Variants in CNDP1 observed in about 807,000 individuals in gnomAD.
The protein encoded by CNDP1 is beta-Ala-His dipeptidase.
A neutral mutation model predicts 58.1 loss-of-function variants in CNDP1; 44 were observed. The ratio of observed to expected loss-of-function variants is 0.76; its 90% CI spans 0.60 to 0.97. The LOEUF (loss-of-function observed/expected upper bound fraction) is 0.97, where lower values mean the gene tolerates loss of function less well. Ranked by LOEUF, CNDP1 falls within the 50% of genes least tolerant of loss-of-function variation. CNDP1 has a pLI of 0.00. For synonymous variants in CNDP1, 254 were observed against 252.6 expected (o/e 1.01, Z -0.05); for missense variants, 616 against 655.1 (o/e 0.94, Z 0.65).
In CNDP1 at chr18:74,578,392, C is replaced by T. The variant is rs767836305; in HGVS notation, c.1167+65C>T. ...CATGGTTTCTGAATCCCGCACATCA[C>T]GGCTTAGTGAGCAGTGAGGTTGCTA... is the stretch of plus-strand genomic sequence containing the variant. On this transcript the variant is annotated intron_variant, in intron 9 of 11. Transcript: ENST00000358821. 240 of 1,473,008 alleles carry T rather than the reference C, an allele frequency of 1.6e-4. 1 individual carries two copies. Among genetic ancestry groups the T allele is most frequent in the South Asian group, 9.9e-4 (77 of 77,864 alleles). The allele number at this position is 1,473,008 out of a possible 1,614,324, so 91.2% of individuals were successfully genotyped here.
rs746400602 is a variant in CNDP1, at chr18:74,559,405, C to A, written c.236C>A (p.Ala79Asp). 1 of 1,613,570 alleles carries A rather than the reference C, an allele frequency of 6.2e-7. No individual in the cohort carries two copies. Among genetic ancestry groups the A allele is most frequent in the Non-Finnish European group, 8.5e-7 (1 of 1,179,986 alleles). ...RFRQELFRMMAVAADTLQRLG... is the reference protein window; with the variant it reads ...RFRQELFRMMDVAADTLQRLG... The stretch of plus-strand genomic sequence containing the variant: ...AGACAAGAGCTCTTCAGAATGATGG[C>A]CGTGGCTGCGGACACGCTGCAGCGC... The change falls in exon 3 of 12, where the codon GCC becomes GAC. Residue 79 changes from alanine (A) to aspartate (D), a missense_variant. Ala to Asp is a moderately radical substitution (Grantham distance 126). Coordinates refer to ENST00000358821, the MANE Select transcript of CNDP1 (RefSeq NM_032649.6).
At chr18:74,558,500 T>C (rs1461900419) in intron 2 of CNDP1, among the ~76,000 whole-genome samples, 1 of 146,014 alleles carries the variant, frequency 6.8e-6, no homozygotes, top group African/African-American at 2.5e-5. Flanking sequence ...GTTCACGCCA[T>C]TCTCCTGCCT....
At chr18:74,561,921 A>G in intron 4 of CNDP1, 126 bp from the exon 5 acceptor site, 1 of 733,138 alleles carries the variant, frequency 1.4e-6, no homozygotes, top group South Asian at 1.6e-5. Context: ...TTCATGCAAG[A>G]TTTGAGCCTG....
Position 74,534,697 on chromosome 18 carries a change from T to G in CNDP1, c.24+6T>G, listed in dbSNP as rs764506090. On this transcript the variant is annotated splice_donor_region_variant and intron_variant, in intron 1 of 11. Transcript: ENST00000358821. ...ATCCCAAACTCGGGAGAATGGTGAG[T>G]AGGACCTCCTCCATCAGAGTCCGTG... 1.2e-6 allele frequency: 2 copies of G among 1,614,018 alleles called. No individual in the cohort carries two copies. Among genetic ancestry groups the G allele is most frequent in the East Asian group, 4.5e-5 (2 of 44,866 alleles).
At chr18:74,564,508 A>C (rs989089483) in intron 5 of CNDP1, among the ~76,000 whole-genome samples, 6 of 152,224 alleles carry the variant, frequency 3.9e-5, no homozygotes, top group African/African-American at 1.2e-4. Context: ...ACTTGAAGTA[A>C]AAATTATCCC....
intron 1 of CNDP1, among the ~76,000 whole-genome samples, chr18:74,537,007 G>T (rs1414079199): frequency 1.3e-5 from 2 of 152,078 alleles, no homozygotes; most frequent in Admixed American, 1.3e-4. Context: ...TTGTAAATTT[G>T]TTGAAGTTCC....
intron 7 of CNDP1, among the ~76,000 whole-genome samples, chr18:74,573,398 CTATCCACCCATTAT>C (rs1230134123): frequency 2.1e-5 from 1 of 48,292 alleles, no homozygotes; most frequent in African/African-American, 1.2e-4. Context: ...ATCCATCCAT[CTATCCACCCATTAT>C]CATCTATCCA....
chr18:74,584,012 T>C, intron 11 of CNDP1: 1 of 362,368 alleles, frequency 2.8e-6, no homozygotes, highest in Non-Finnish European at 5.1e-6. Context: ...AGGACCCCCA[T>C]TTTAACCTCA....
intron 5 of CNDP1, among the ~76,000 whole-genome samples, chr18:74,563,898 T>G (rs1354344599): frequency 6.6e-6 from 1 of 152,200 alleles, no homozygotes. Context: ...TGCCAGAAAA[T>G]TCTTAGGATT....
chr18:74,561,050 C>T, intron 4 of CNDP1, 32 bp downstream of exon 4: 11 of 1,596,228 alleles, frequency 6.9e-6, no homozygotes, highest in Non-Finnish European at 9.4e-6. Flanking sequence ...CAGTGCGGTG[C>T]TGCTGTGCTT....
intron 2 of CNDP1, among the ~76,000 whole-genome samples, chr18:74,557,752 A>G (rs1033715680): frequency 6.6e-6 from 1 of 152,220 alleles, no homozygotes. Flanking sequence ...GGCATTCAGT[A>G]TACATTTATT....
At chr18:74,557,001 C>T (rs995300748) in intron 2 of CNDP1, among the ~76,000 whole-genome samples, 9 of 151,600 alleles carry the variant, frequency 5.9e-5, no homozygotes, top group Admixed American at 3.3e-4. Context: ...CCTCAACTTC[C>T]CAGGTTCAGG....
Position 74,567,350 on chromosome 18 carries a change from G to A in CNDP1, c.673G>A (p.Val225Ile), listed in dbSNP as rs757706839. Residue 225 changes from valine to isoleucine, a missense_variant, in exon 6 of 12, where the codon GTA becomes ATA. By Grantham distance (29) the Val-to-Ile change is conservative. Transcript: ENST00000358821. ...DRFFSGVDYI[V>I]ISDNLWISQR... is the part of the protein sequence containing the mutation. ...ATTCTTCTCTGGTGTGGACTACATT[G>A]TAATTTCAGATAACCTGTGGATCAG... The A allele has an allele frequency of 6.6e-5, 107 of 1,614,072 alleles. No individual in the cohort carries two copies. The highest frequency in any genetic ancestry group is 8.5e-5 in the Non-Finnish European group (100 of 1,180,032).
At chr18:74,573,627 C>T (rs1183502807) in intron 7 of CNDP1, among the ~76,000 whole-genome samples, 1 of 152,184 alleles carries the variant, frequency 6.6e-6, no homozygotes, top group Non-Finnish European at 1.5e-5. Flanking sequence ...ATGCAACTCA[C>T]AATTTTGGGG....
intron 9 of CNDP1, among the ~76,000 whole-genome samples, chr18:74,578,985 G>C (rs1224130147): frequency 6.6e-6 from 1 of 152,136 alleles, no homozygotes; most frequent in Non-Finnish European, 1.5e-5. Flanking sequence ...ATGAGCTAAA[G>C]AAATATTTCA....
At chr18:74,571,931 T>C (rs1981489146) in intron 7 of CNDP1, among the ~76,000 whole-genome samples, 1 of 152,126 alleles carries the variant, frequency 6.6e-6, no homozygotes, top group Non-Finnish European at 1.5e-5. Flanking sequence ...TTCTCATTTG[T>C]AAAGGGGCAC....
rs552010328 is a variant in CNDP1, at chr18:74,546,701, A to G, written c.25-9637A>G. Reference sequence around the variant, plus strand: ...ACACCCACCCCGTGACTGGCACTCAATTCCTCAATTCCTCCTCCATCCCCT... The same window carrying G: ...ACACCCACCCCGTGACTGGCACTCAGTTCCTCAATTCCTCCTCCATCCCCT... On this transcript the variant is annotated intron_variant, in intron 1 of 11. Coordinates refer to ENST00000358821, the MANE Select transcript of CNDP1 (RefSeq NM_032649.6). 4.6e-5 allele frequency among the ~76,000 whole-genome samples: 7 copies of G among 152,214 alleles called. No individual in the cohort carries two copies. In the East Asian group the frequency reaches 1.4e-3, roughly 29 times the overall value.
chr18:74,583,471 G>A, intron 10 of CNDP1, 90 bp from the exon 11 acceptor site: 1 of 1,019,948 alleles, frequency 9.8e-7, no homozygotes, highest in East Asian at 2.4e-5. Context: ...GAAAAAGAGA[G>A]AGGAAGGTAA....
intron 7 of CNDP1, among the ~76,000 whole-genome samples, chr18:74,574,363 A>G (rs148399748): frequency 6.6e-6 from 1 of 152,376 alleles, no homozygotes; most frequent in East Asian, 1.9e-4. Context: ...ACTTGTGTTT[A>G]CAAATCGAGC....
Sources: allele counts gnomAD v4.1 joint callset (sites outside exome capture counted in the v4.1 genomes callset), GRCh38; gene constraint gnomAD v4.1.1; transcripts MANE v1.5; gene names NCBI Gene and HGNC (gene_info 2026-07-23, HGNC 2026-07-21).